Variants in CHM observed in about 807,000 individuals in gnomAD.
CHM encodes the protein rab proteins geranylgeranyltransferase component A 1.
Under a neutral mutation model 49.0 loss-of-function variants are expected in CHM, and 10 were observed. That is an observed-to-expected ratio of 0.20 (90% CI 0.13 to 0.35). The LOEUF is 0.35. Ranked by LOEUF, CHM falls within the 10% of genes least tolerant of loss-of-function variation. The pLI is 1.00. For synonymous variants in CHM, 184 were observed against 167.5 expected (o/e 1.10, Z -0.76); for missense variants, 455 against 478.4 (o/e 0.95, Z 0.46).
intron 8 of CHM, among the ~76,000 whole-genome samples, chrX:85,916,220 T>C (rs1045439607): frequency 1.8e-5 from 2 of 111,927 alleles, no homozygotes; most frequent in Non-Finnish European, 3.8e-5. Flanking sequence ...ATTCAATAAA[T>C]GGTGCTAGGA....
At chrX:86,014,407 G>A (rs1933204086) in intron 2 of CHM, among the ~76,000 whole-genome samples, 1 of 112,383 alleles carries the variant, frequency 8.9e-6, no homozygotes, top group Non-Finnish European at 1.9e-5. Context: ...GAATGTTAAA[G>A]TTACCAGAAG....
chrX:85,899,899 G>A (rs1240898016), intron 11 of CHM, among the ~76,000 whole-genome samples: 1 of 110,709 alleles, frequency 9.0e-6, no homozygotes, highest in African/African-American at 3.3e-5. Flanking sequence ...TTATTAACAA[G>A]ACAAGACATA....
rs991403717 is a variant in CHM at position 85,936,732 on chromosome X, A to T, written c.1166+19421T>A. On this transcript the variant is annotated intron_variant, in intron 8 of 14. Transcript: ENST00000357749. ...CATTAATTGGATTATTTTAATCTAG[A>T]ACAAAAACAAATTTACACTGGGGAA... is the stretch of plus-strand genomic sequence containing the variant. 3.6e-5 allele frequency among the ~76,000 whole-genome samples: 4 copies of T among 112,225 alleles called. No individual in the cohort carries two copies. The Admixed American group carries it at 3.8e-4, about 11-fold the overall frequency.
intron 8 of CHM, among the ~76,000 whole-genome samples, chrX:85,942,540 A>G (rs1295833065): frequency 9.0e-6 from 1 of 111,582 alleles, no homozygotes; most frequent in African/African-American, 3.3e-5. Context: ...AACATTTCGC[A>G]TATCTCAATG....
At chrX:85,870,400 A>T (rs1923975485) in intron 14 of CHM, among the ~76,000 whole-genome samples, 1 of 112,177 alleles carries the variant, frequency 8.9e-6, no homozygotes, top group Admixed American at 9.5e-5. Context: ...TCTCAACTTA[A>T]TAATGGGCTG....
intron 8 of CHM, among the ~76,000 whole-genome samples, chrX:85,947,645 TAC>T (rs1929488505): frequency 9.0e-6 from 1 of 111,507 alleles, no homozygotes; most frequent in South Asian, 3.8e-4. Context: ...AATGGCCTAC[TAC>T]ACACAGCAAT....
intron 8 of CHM, among the ~76,000 whole-genome samples, chrX:85,942,583 T>C (rs1376993753): frequency 9.0e-6 from 1 of 110,977 alleles, no homozygotes; most frequent in Non-Finnish European, 1.9e-5. Context: ...TGCAAAAGGA[T>C]AGTATGTTGT....
intron 2 of CHM, among the ~76,000 whole-genome samples, chrX:85,995,755 C>G (rs1377167235): frequency 8.9e-6 from 1 of 111,973 alleles, no homozygotes; most frequent in South Asian, 3.7e-4. Flanking sequence ...TAAATGGTAG[C>G]TATTATTACA....
intron 2 of CHM, among the ~76,000 whole-genome samples, chrX:86,005,628 TA>T (rs1225656575): frequency 5.4e-5 from 6 of 111,969 alleles, no homozygotes; most frequent in Non-Finnish European, 1.9e-5. Flanking sequence ...GAGAATACTA[TA>T]AACACCTCTA....
intron 4 of CHM, among the ~76,000 whole-genome samples, chrX:85,966,221 C>A (rs1479813495): frequency 1.8e-5 from 2 of 108,685 alleles, no homozygotes; most frequent in Non-Finnish European, 3.8e-5. Flanking sequence ...TGGTGATGGG[C>A]ACCTGTAATC....
chrX:85,995,623 A>T (rs1421832033), intron 2 of CHM, among the ~76,000 whole-genome samples: 1 of 112,374 alleles, frequency 8.9e-6, no homozygotes, highest in African/African-American at 3.2e-5. Flanking sequence ...AGTTATTTCA[A>T]TTCTCTGAGT....
chrX:85,951,735 C>T (rs1929757078), intron 8 of CHM, among the ~76,000 whole-genome samples: 1 of 111,842 alleles, frequency 8.9e-6, no homozygotes, highest in Non-Finnish European at 1.9e-5. Flanking sequence ...ACTAACTACA[C>T]ACAAAAAAAG....
intron 1 of CHM, among the ~76,000 whole-genome samples, chrX:86,032,989 T>C (rs763150938): frequency 3.6e-5 from 4 of 111,733 alleles, no homozygotes; most frequent in African/African-American, 9.7e-5. Context: ...GATGTTTCAT[T>C]ATCAAATGAA....
intron 8 of CHM, among the ~76,000 whole-genome samples, chrX:85,950,781 A>G (rs1383590246): frequency 1.8e-5 from 2 of 111,774 alleles, no homozygotes; most frequent in African/African-American, 6.5e-5. Flanking sequence ...TTCAACCTAT[A>G]CTAAGCAAGA....
chrX:85,943,711 C>A (rs1261702510), intron 8 of CHM, among the ~76,000 whole-genome samples: 1 of 111,521 alleles, frequency 9.0e-6, no homozygotes, highest in African/African-American at 3.3e-5. Context: ...AATATTTTTG[C>A]AAATTATGTC....
chrX:85,946,457 C>A (rs751604866), intron 8 of CHM, among the ~76,000 whole-genome samples: 1 of 112,098 alleles, frequency 8.9e-6, no homozygotes, highest in East Asian at 2.8e-4. Context: ...CACTTCAGCT[C>A]CAGCCTCAGC....
rs1253535343 is a variant in CHM at position 85,894,196 on chromosome X, T to G, written c.1502A>C (p.Lys501Thr). Reference sequence around the variant, plus strand: ...CACTCTACTATGCTTACAGGTGCCTTTCATGCATGTCATCGTTGAAGAACA... The same window carrying G: ...CACTCTACTATGCTTACAGGTGCCTGTCATGCATGTCATCGTTGAAGAACA... The part of the protein sequence containing the change: ...ELCSSTMTCM[K>T]GTYLVHLTCT... The change falls in exon 12 of 15, where the codon AAA becomes ACA. Residue 501 changes from lysine to threonine, a missense_variant. Coordinates refer to ENST00000357749, the MANE Select transcript of CHM (RefSeq NM_000390.4). 8.3e-7 allele frequency: 1 copy of G among 1,207,199 alleles called. No individual in the cohort carries two copies. The highest frequency in any genetic ancestry group is 2.2e-5 in the Admixed American group (1 of 46,022).
Position 85,978,791 on chromosome X carries a change from T to C in CHM, c.290A>G (p.His97Arg). The C allele has an allele frequency of 1.7e-6, 2 of 1,205,745 alleles. No individual in the cohort carries two copies. The highest frequency in any genetic ancestry group is 2.2e-6 in the Non-Finnish European group (2 of 891,181). Reference protein sequence around the residue: ...ALSRKDKTIQHVEVFCYASQD... With the variant: ...ALSRKDKTIQRVEVFCYASQD... ...CCTGGCATAACAAAATACTTCCACA[T>C]GTTGAATAGTTTTGTCCTTCCTGCT... The change falls in exon 4 of 15, where the codon CAT (histidine) becomes CGT (arginine). Residue 97 changes from histidine (H) to arginine (R), a missense_variant. By Grantham distance (29) the His-to-Arg change is conservative. Transcript: ENST00000357749.
intron 2 of CHM, among the ~76,000 whole-genome samples, chrX:86,024,408 C>A (rs1933725751): frequency 8.9e-6 from 1 of 112,579 alleles, no homozygotes; most frequent in Non-Finnish European, 1.9e-5. Flanking sequence ...ATTTCAACCA[C>A]AGCAGCTCTG....
Sources: allele counts gnomAD v4.1 joint callset (sites outside exome capture counted in the v4.1 genomes callset), GRCh38; gene constraint gnomAD v4.1.1; transcripts MANE v1.5; gene names NCBI Gene and HGNC (gene_info 2026-07-23, HGNC 2026-07-21).